The following FDPS variants were observed in gnomAD, a reference collection of about 807,000 sequenced individuals.
FDPS encodes the protein farnesyl pyrophosphate synthase.
Under a neutral mutation model 49.5 loss-of-function variants are expected in FDPS, and 29 were observed. That is an observed-to-expected ratio of 0.59 (90% CI 0.44 to 0.80). The LOEUF is 0.80. FDPS is among the 30% of genes least tolerant of loss of function. The pLI, the probability that FDPS is intolerant of heterozygous loss-of-function variation, is 0.00. For missense variants in FDPS, 414 were observed against 525.6 expected, an observed-to-expected ratio of 0.79 and a Z score of 2.08; for synonymous variants, 172 against 206.4, an observed-to-expected ratio of 0.83 and a Z score of 1.43.
Position 155,310,039 on chromosome 1 carries a change from T to G in FDPS, c.177-4T>G, listed in dbSNP as rs769669436. 2 of 1,613,164 alleles carry G rather than the reference T, an allele frequency of 1.2e-6. No individual in the cohort carries two copies. Among genetic ancestry groups the G allele is most frequent in the South Asian group, 1.1e-5 (1 of 91,044 alleles). ...GGTTTCTGACTTGTTTTTCTTCTACTTAGAGCCCTTTGCTCCTCCCTCAGA... is the reference window on the plus strand; with the variant it reads ...GGTTTCTGACTTGTTTTTCTTCTACGTAGAGCCCTTTGCTCCTCCCTCAGA... On this transcript the variant is annotated splice_region_variant and splice_polypyrimidine_tract_variant and intron_variant, in intron 2 of 10. Coordinates refer to ENST00000368356, the MANE Select transcript of FDPS (RefSeq NM_002004.4).
chr1:155,320,329 A>G, intron 10 of FDPS, 80 bp from the exon 11 acceptor site: 1 of 1,165,746 alleles, frequency 8.6e-7, no homozygotes, highest in Admixed American at 2.0e-5. Context: ...GTTCTGGAAT[A>G]TGTGAATGAG....
At position 155,310,070 on chromosome 1, in the gene FDPS, C is replaced by T. The variant is rs16836819; in HGVS notation, c.204C>T (p.Asn68=). ...CCCTTTGCTCCTCCCTCAGAATGAA[C>T]GGAGACCAGAATTCAGATGTTTATG... is the stretch of plus-strand genomic sequence containing the variant. ...PRALCSSLRM[N]GDQNSDVYAQ... Residue 68 remains asparagine (N), a synonymous_variant, in exon 3 of 11, where the codon AAC becomes AAT. Transcript: ENST00000368356. 204 of 1,613,876 alleles carry T rather than the reference C, an allele frequency of 1.3e-4. No individual in the cohort carries two copies. In the East Asian group the frequency reaches 3.4e-3, roughly 27 times the overall value.
chr1:155,318,755 T>C lies in FDPS; in HGVS notation c.773+2T>C, dbSNP rs2148247516. The C allele has an allele frequency of 3.1e-6, 5 of 1,608,168 alleles. No homozygotes were observed. The highest frequency in any genetic ancestry group is 4.3e-6 in the Non-Finnish European group (5 of 1,174,994). On this transcript the variant is annotated splice_donor_variant, in intron 7 of 10. Coordinates refer to ENST00000368356, the MANE Select transcript of FDPS (RefSeq NM_002004.4). LOFTEE classifies it high-confidence loss of function. This position sits in a 1 kb window ranked among gnomAD's most constrained non-coding sequence, Gnocchi z 4.2. ...TCTTGTCAGATTCACTGAAAAGAGG[T>C]GAGGGGAGGTGAGGGACAGCGCGAA...
Position 155,318,583 on chromosome 1 carries a change from G to T in FDPS, c.685-82G>T, listed in dbSNP as rs1649780108. The T allele has an allele frequency of 1.8e-6, 2 of 1,114,622 alleles. No individual in the cohort carries two copies. The highest frequency in any genetic ancestry group is 2.7e-6 in the Non-Finnish European group (2 of 732,472). 69.0% of individuals were successfully genotyped at this position (1,114,622 alleles called of 1,614,324 possible). A position where few individuals can be genotyped will look rare whatever the true frequency, so the allele number is the denominator to read the frequency against. ...TCTGATTCTGCCCAGTTGTCAGCTG[G>T]TATGGGATGTTGGGCTTGGGATACC... is the stretch of plus-strand genomic sequence containing the variant. On this transcript the variant is annotated intron_variant, in intron 6 of 10. Coordinates refer to ENST00000368356, the MANE Select transcript of FDPS (RefSeq NM_002004.4). This position sits in a 1 kb window ranked among gnomAD's most constrained non-coding sequence, Gnocchi z 4.2.
chr1:155,309,707 TG>T, intron 1 of FDPS, 81 bp from the exon 2 acceptor site: 1 of 1,276,786 alleles, frequency 7.8e-7, no homozygotes, highest in Non-Finnish European at 1.1e-6. Context: ...GGGAGTTATC[TG>T]GGGAGCTGCC....
chr1:155,312,255 G>A lies in FDPS; in HGVS notation c.340G>A (p.Val114Ile). ...CTGTACCTCTTTCCTTGCCCTCCAG[G>A]TCCTGGAGTACAATGCCATTGGAGG... is the stretch of plus-strand genomic sequence containing the variant. ...IGDAIARLKE[V>I]LEYNAIGGKY... The change falls in exon 4 of 11, where the codon GTC (valine) becomes ATC (isoleucine). Residue 114 changes from valine (V) to isoleucine (I), a missense_variant and splice_region_variant. Physicochemically the swap from Val to Ile is conservative, Grantham distance 29 (BLOSUM62 3). Transcript: ENST00000368356. 1 of 1,613,790 alleles carries A rather than the reference G, an allele frequency of 6.2e-7. No homozygotes were observed. The highest frequency in any genetic ancestry group is 8.5e-7 in the Non-Finnish European group (1 of 1,179,984).
At chr1:155,313,791 T>C in intron 4 of FDPS, among the ~76,000 whole-genome samples, 1 of 151,968 alleles carries the variant, frequency 6.6e-6, no homozygotes, top group East Asian at 1.9e-4. Flanking sequence ...AAGCAAGACC[T>C]TGAGGGGCCA....
intron 10 of FDPS, 30 bp downstream of exon 10, chr1:155,319,958 G>A: frequency 6.2e-7 from 1 of 1,611,756 alleles, no homozygotes; most frequent in East Asian, 2.2e-5. Context: ...GGGTCCCTGA[G>A]TTGGTGGAAA....
At chr1:155,320,054 C>A in intron 10 of FDPS, 126 bp downstream of exon 10, 1 of 1,118,472 alleles carries the variant, frequency 8.9e-7, no homozygotes, top group Non-Finnish European at 1.3e-6. Flanking sequence ...TTGCCATTGT[C>A]ATTACAACTC....
At chr1:155,317,815 T>A (rs916339045) in intron 4 of FDPS, 126 bp from the exon 5 acceptor site, 2 of 691,784 alleles carry the variant, frequency 2.9e-6, no homozygotes, top group Non-Finnish European at 2.5e-6. Context: ...CTGCACTGGA[T>A]AATAGTGAGA....
At chr1:155,315,691 A>C (rs1430491946) in intron 4 of FDPS, among the ~76,000 whole-genome samples, 1 of 151,496 alleles carries the variant, frequency 6.6e-6, no homozygotes, top group Non-Finnish European at 1.5e-5. Flanking sequence ...CTCAAAAAAA[A>C]ACAAAAAACA....
At chr1:155,315,817 A>C (rs1649310024) in intron 4 of FDPS, among the ~76,000 whole-genome samples, 1 of 151,568 alleles carries the variant, frequency 6.6e-6, no homozygotes, top group Admixed American at 6.6e-5. Flanking sequence ...CAGTGAGCCA[A>C]GATCGCGCTA....
At chr1:155,314,458 C>T (rs942845140) in intron 4 of FDPS, among the ~76,000 whole-genome samples, 13 of 151,236 alleles carry the variant, frequency 8.6e-5, no homozygotes, top group South Asian at 2.1e-4. Context: ...GGATTACAGG[C>T]GTGAGCCACC....
chr1:155,310,268 T>C, intron 3 of FDPS, 63 bp downstream of exon 3: 2 of 1,535,418 alleles, frequency 1.3e-6, no homozygotes, highest in South Asian at 2.2e-5. Context: ...CTGTGTGGCA[T>C]TCACCTGTGG....
rs1372915524 is a variant in FDPS, at chr1:155,318,267, G to C, written c.660G>C (p.Leu220=). Residue 220 remains leucine, a synonymous_variant, in exon 6 of 11, where the codon CTG becomes CTC. Coordinates refer to ENST00000368356, the MANE Select transcript of FDPS (RefSeq NM_002004.4). The surrounding 1 kb of genome is among the most constrained non-coding windows in gnomAD (Gnocchi z 4.2). ...KLYCREQPYY[L]NLIELFLQSS... ...ATTGCCGGGAGCAGCCCTATTACCT[G>C]AACCTGATCGAGCTCTTCCTGCAGG... 1 of 1,612,750 alleles carries C rather than the reference G, an allele frequency of 6.2e-7. No homozygotes were observed. The highest frequency in any genetic ancestry group is 1.3e-5 in the African/African-American group (1 of 74,918).
chr1:155,318,965 TG>T lies in FDPS; in HGVS notation c.846+42del. On this transcript the variant is annotated intron_variant, in intron 8 of 10. Transcript: ENST00000368356. The surrounding 1 kb of genome is among the most constrained non-coding windows in gnomAD (Gnocchi z 4.2). ...TCCTCACCCCTCTCTGCTCTGCTGA[TG>T]GGGGCTTTTGGACAGCAAGGCATAG... is the stretch of plus-strand genomic sequence containing the variant. 1 of 1,470,756 alleles carries T rather than the reference TG, an allele frequency of 6.8e-7. No individual in the cohort carries two copies. Among genetic ancestry groups the T allele is most frequent in the Non-Finnish European group, 9.5e-7 (1 of 1,050,744 alleles). The allele number at this position is 1,470,756 out of a possible 1,614,324, so 91.1% of individuals were successfully genotyped here. A position where few individuals can be genotyped will look rare whatever the true frequency, so the allele number is the denominator to read the frequency against.
At chr1:155,314,943 C>G (rs1649165852) in intron 4 of FDPS, among the ~76,000 whole-genome samples, 1 of 152,022 alleles carries the variant, frequency 6.6e-6, no homozygotes, top group Non-Finnish European at 1.5e-5. Flanking sequence ...TTGCAGTCAC[C>G]CTTGGGAGAG....
intron 4 of FDPS, among the ~76,000 whole-genome samples, chr1:155,313,993 A>G (rs1649061711): frequency 6.6e-6 from 1 of 151,658 alleles, no homozygotes. Context: ...TAATTTTTGT[A>G]TTTTTAGTAG....
rs763975527 is a variant in FDPS, at chr1:155,312,401, AG to A, written c.480+10del. 6.7e-7 allele frequency: 1 copy of A among 1,494,362 alleles called. No individual in the cohort carries two copies. Among genetic ancestry groups the A allele is most frequent in the Non-Finnish European group, 9.1e-7 (1 of 1,103,620 alleles). The allele number at this position is 1,494,362 out of a possible 1,614,324, so 92.6% of individuals were successfully genotyped here. ...TGGGCTGGTGTGTGGAACTGGTGAG[AG>A]GGGTAGGGCAAGGGAGAAGAAGTTT... On this transcript the variant is annotated splice_region_variant and intron_variant, in intron 4 of 10. Coordinates refer to ENST00000368356, the MANE Select transcript of FDPS (RefSeq NM_002004.4).
Sources: allele counts gnomAD v4.1 joint callset (sites outside exome capture counted in the v4.1 genomes callset), GRCh38; gene constraint gnomAD v4.1.1; non-coding constraint Gnocchi (gnomAD v3.1); transcripts MANE v1.5; gene names NCBI Gene and HGNC (gene_info 2026-07-23, HGNC 2026-07-21).